The following TJP1 variants were observed in gnomAD, a reference collection of about 807,000 sequenced individuals.
The protein encoded by TJP1 is tight junction protein 1, also known as tight junction protein ZO-1.
Under a neutral mutation model 194.2 loss-of-function variants are expected in TJP1, and 43 were observed. The observed-to-expected ratio is 0.22, with a 90% CI of 0.17 to 0.29. The LOEUF is 0.29. Ranked by LOEUF, TJP1 falls within the 10% of genes least tolerant of loss-of-function variation. The pLI is 1.00. For missense variants in TJP1, 1,971 were observed against 2,185.7 expected (o/e 0.90, Z 1.96); for synonymous variants, 801 against 779.0 (o/e 1.03, Z -0.47).
chr15:29,812,991 A>C (rs1261876396), intron 1 of TJP1, among the ~76,000 whole-genome samples: 1 of 151,932 alleles, frequency 6.6e-6, no homozygotes, highest in Non-Finnish European at 1.5e-5. Context: ...AATAACTGCC[A>C]CTGTTAGAAA....
rs1296878777 is a variant in TJP1, at chr15:29,726,761, G to A, written c.2311+20C>T. On this transcript the variant is annotated intron_variant, in intron 17 of 27. Coordinates refer to ENST00000614355, the MANE Select transcript of TJP1 (RefSeq NM_001330239.4). ...CCCAGACATTGTAAGCTGAAAGAAG[G>A]CCTTTATTAACATACTCACTTGTAA... 1 of 1,606,442 alleles carries A rather than the reference G, an allele frequency of 6.2e-7. No homozygotes were observed. Among genetic ancestry groups the A allele is most frequent in the East Asian group, 2.2e-5 (1 of 44,822 alleles).
chr15:29,752,259 C>T (rs915240407), intron 8 of TJP1, among the ~76,000 whole-genome samples: 5 of 152,096 alleles, frequency 3.3e-5, no homozygotes, highest in African/African-American at 4.8e-5. Context: ...CACGCCACCA[C>T]GCCTAGCTAA....
At position 29,936,861 on chromosome 15, in the gene TJP1, C is replaced by T. The variant is rs543909931; in HGVS notation, c.306+19371G>A. On this transcript the variant is annotated intron_variant, in intron 2 of 28. Transcript: ENST00000356107. ...GTTCCCTTAGAAAATATATTTAGAA[C>T]GCTGGCAGCCCAGTGGAGTCCAGCT... 3.3e-5 allele frequency among the ~76,000 whole-genome samples: 5 copies of T among 152,240 alleles called. No individual in the cohort carries two copies. The South Asian group carries it at 6.2e-4, about 19-fold the overall frequency.
intron 2 of TJP1, among the ~76,000 whole-genome samples, chr15:29,856,529 T>C (rs1027772033): frequency 2.6e-5 from 4 of 152,188 alleles, no homozygotes; most frequent in Admixed American, 2.0e-4. Context: ...GTTATATTTT[T>C]ACCTTGTATC....
At chr15:29,790,487 A>T (rs570661662) in intron 2 of TJP1, among the ~76,000 whole-genome samples, 163 of 152,190 alleles carry the variant, frequency 1.1e-3, no homozygotes, top group Non-Finnish European at 7.8e-4. Context: ...GTAACGATTA[A>T]ATCAGGGTAA....
chr15:29,948,016 C>T (rs1451612200), intron 2 of TJP1, among the ~76,000 whole-genome samples: 1 of 152,166 alleles, frequency 6.6e-6, no homozygotes, highest in Non-Finnish European at 1.5e-5. Context: ...CCTGTAATCC[C>T]AGCACTTTGG....
intron 1 of TJP1, among the ~76,000 whole-genome samples, 169 bp downstream of exon 1, chr15:29,821,833 C>G (rs2050384190): frequency 6.9e-6 from 1 of 145,470 alleles, no homozygotes; most frequent in Non-Finnish European, 1.5e-5. Context: ...CCGAGGGGCT[C>G]CCCGCGGCCC....
At chr15:29,905,934 G>A (rs933321607) in intron 2 of TJP1, among the ~76,000 whole-genome samples, 2 of 152,100 alleles carry the variant, frequency 1.3e-5, no homozygotes, top group African/African-American at 2.4e-5. Context: ...CTATAATGGT[G>A]GATATAAGTC....
chr15:29,939,861 C>T (rs1316108817), intron 2 of TJP1, among the ~76,000 whole-genome samples: 2 of 152,104 alleles, frequency 1.3e-5, no homozygotes, highest in East Asian at 1.9e-4. Flanking sequence ...ACCAAATCTG[C>T]GATGGCCTGA....
chr15:29,870,120 G>A (rs1417291781), intron 2 of TJP1, among the ~76,000 whole-genome samples: 2 of 149,748 alleles, frequency 1.3e-5, no homozygotes, highest in East Asian at 4.0e-4. Context: ...GATTACAGGC[G>A]TGAGCCACTG....
At chr15:29,854,592 C>T (rs375891255) in intron 2 of TJP1, among the ~76,000 whole-genome samples, 133 of 152,230 alleles carry the variant, frequency 8.7e-4, no homozygotes, top group African/African-American at 3.1e-3. Context: ...TCCCTCAGGG[C>T]GTGTGACCCT....
intron 2 of TJP1, among the ~76,000 whole-genome samples, chr15:29,891,614 G>A (rs572338443): frequency 6.6e-6 from 1 of 152,150 alleles, no homozygotes; most frequent in African/African-American, 2.4e-5. Context: ...TCACCTTTTG[G>A]TCATTCTCAC....
chr15:29,739,324 C>A (rs1024167775), intron 10 of TJP1, among the ~76,000 whole-genome samples: 12 of 152,222 alleles, frequency 7.9e-5, no homozygotes, highest in Non-Finnish European at 1.0e-4. Flanking sequence ...ACTTCTGCAT[C>A]AAATCCATTC....
chr15:29,731,657 G>A (rs552467728), intron 15 of TJP1, among the ~76,000 whole-genome samples: 2 of 152,144 alleles, frequency 1.3e-5, no homozygotes, highest in Non-Finnish European at 1.5e-5. Flanking sequence ...GGGTTTTATA[G>A]TGGCTTTCTG....
At chr15:29,726,699 A>G (rs2043258514) in intron 17 of TJP1, 82 bp downstream of exon 17, 2 of 1,361,802 alleles carry the variant, frequency 1.5e-6, no homozygotes, top group Non-Finnish European at 2.1e-6. Context: ...AAGTTTTAGT[A>G]TTTGAACACC....
At chr15:29,887,206 TA>T (rs1474327176) in intron 2 of TJP1, among the ~76,000 whole-genome samples, 4 of 150,874 alleles carry the variant, frequency 2.7e-5, no homozygotes, top group African/African-American at 7.3e-5. Context: ...CACATGAATT[TA>T]GAGTTTAGCA....
chr15:29,745,487 T>C (rs186369490), intron 8 of TJP1, among the ~76,000 whole-genome samples: 168 of 152,264 alleles, frequency 1.1e-3, no homozygotes, highest in Non-Finnish European at 2.0e-3. Flanking sequence ...GGGGAAGCCT[T>C]TGCAAGTAGG....
At chr15:29,757,792 T>C (rs1017373097) in intron 8 of TJP1, among the ~76,000 whole-genome samples, 1 of 152,214 alleles carries the variant, frequency 6.6e-6, no homozygotes, top group Non-Finnish European at 1.5e-5. Context: ...AAGAGAAAGA[T>C]GCCAGGAGCT....
intron 2 of TJP1, among the ~76,000 whole-genome samples, chr15:29,848,208 C>T (rs1329652609): frequency 6.6e-6 from 1 of 150,900 alleles, no homozygotes; most frequent in Non-Finnish European, 1.5e-5. Context: ...GGTTACTGTT[C>T]TGCAGATGTT....
Sources: gnomAD v4.1 joint callset for allele counts (sites outside exome capture counted in the v4.1 genomes callset) on GRCh38, gnomAD v4.1.1 for gene constraint, MANE v1.5 for transcripts, NCBI Gene and HGNC (gene_info 2026-07-23, HGNC 2026-07-21) for gene names.